The following GRID2 variants were observed in gnomAD, a reference collection of about 807,000 sequenced individuals.
The protein encoded by GRID2 is glutamate ionotropic receptor delta type subunit 2.
In GRID2, 33 loss-of-function variants were observed where a neutral mutation model predicts 114.8. The observed-to-expected ratio is 0.29, with a 90% CI of 0.22 to 0.38. The LOEUF is 0.38. Among genes scored for constraint, GRID2 ranks in the 10% least tolerant of loss-of-function variants. The pLI, the probability that GRID2 is intolerant of heterozygous loss-of-function variation, is 1.00. For synonymous variants in GRID2, 505 were observed against 449.9 expected (o/e 1.12, Z -1.55); for missense variants, 1,184 against 1,257.7 (o/e 0.94, Z 0.89).
intron 4 of GRID2, among the ~76,000 whole-genome samples, chr4:93,154,496 G>A (rs934913758): frequency 2.0e-5 from 3 of 151,970 alleles, no homozygotes; most frequent in Non-Finnish European, 2.9e-5. Context: ...TACCACTCCC[G>A]GATAGCTTGG....
intron 8 of GRID2, among the ~76,000 whole-genome samples, chr4:93,365,823 T>C (rs1762285947): frequency 6.6e-6 from 1 of 152,174 alleles, no homozygotes; most frequent in Non-Finnish European, 1.5e-5. Context: ...GCTGAAGCCA[T>C]GGCAGAAGAA....
At chr4:92,441,031 T>G (rs965206816) in intron 1 of GRID2, among the ~76,000 whole-genome samples, 4 of 151,998 alleles carry the variant, frequency 2.6e-5, no homozygotes, top group Non-Finnish European at 5.9e-5. Flanking sequence ...CTAAAAGTAT[T>G]AAAGCAGCGG....
intron 2 of GRID2, among the ~76,000 whole-genome samples, chr4:92,961,903 A>G (rs1752843828): frequency 6.6e-6 from 1 of 151,712 alleles, no homozygotes; most frequent in Admixed American, 6.6e-5. Flanking sequence ...TAACAATTGA[A>G]ATATCCTTAA....
intron 2 of GRID2, among the ~76,000 whole-genome samples, chr4:92,796,388 A>G (rs1056267409): frequency 1.3e-5 from 2 of 151,922 alleles, no homozygotes; most frequent in Non-Finnish European, 2.9e-5. Flanking sequence ...CAGTATAGAA[A>G]AAGAATTGTC....
At chr4:93,225,622 C>T (rs766010722) in intron 7 of GRID2, among the ~76,000 whole-genome samples, 5 of 151,674 alleles carry the variant, frequency 3.3e-5, no homozygotes, top group Non-Finnish European at 5.9e-5. Flanking sequence ...AATAGCTAGT[C>T]AATTGAAATA....
At chr4:93,422,687 T>G in intron 9 of GRID2, 84 bp from the exon 10 acceptor site, 1 of 826,442 alleles carries the variant, frequency 1.2e-6, no homozygotes, top group Non-Finnish European at 2.0e-6. Flanking sequence ...TTTTTAGATT[T>G]AATCAAAACT....
At chr4:93,260,459 G>C (rs775845306) in intron 8 of GRID2, among the ~76,000 whole-genome samples, 2 of 151,260 alleles carry the variant, frequency 1.3e-5, no homozygotes, top group Non-Finnish European at 3.0e-5. Flanking sequence ...TTTGTTAGAA[G>C]TTGGACACTT....
intron 2 of GRID2, among the ~76,000 whole-genome samples, chr4:92,939,459 A>G (rs1298877444): frequency 1.4e-5 from 2 of 146,826 alleles, no homozygotes; most frequent in Non-Finnish European, 3.0e-5. Context: ...TAGATTCTGG[A>G]TATTAGCCCT....
intron 9 of GRID2, among the ~76,000 whole-genome samples, chr4:93,406,261 A>G (rs1258045310): frequency 6.6e-6 from 1 of 152,152 alleles, no homozygotes; most frequent in East Asian, 1.9e-4. Flanking sequence ...GATACCTAAA[A>G]GGTTGGAAAC....
At chr4:93,483,470 G>T (rs143614420) in intron 11 of GRID2, among the ~76,000 whole-genome samples, 133 of 151,848 alleles carry the variant, frequency 8.8e-4, no homozygotes, top group African/African-American at 2.9e-3. Context: ...ATAAGAAGTG[G>T]ATTTACCAAA....
chr4:92,579,987 T>C (rs1357366210), intron 1 of GRID2, among the ~76,000 whole-genome samples: 1 of 136,730 alleles, frequency 7.3e-6, no homozygotes, highest in East Asian at 2.1e-4. Context: ...TATGTATATG[T>C]ATTTTACATA....
chr4:92,617,368 C>T (rs1455118385), intron 2 of GRID2, among the ~76,000 whole-genome samples: 2 of 151,580 alleles, frequency 1.3e-5, no homozygotes, highest in Non-Finnish European at 3.0e-5. Context: ...AATGCTCTCC[C>T]TCCACTTGTC....
chr4:92,307,648 A>G (rs1210049282), intron 1 of GRID2, among the ~76,000 whole-genome samples: 1 of 152,208 alleles, frequency 6.6e-6, no homozygotes, highest in Non-Finnish European at 1.5e-5. Flanking sequence ...TGGTTAAACC[A>G]TAATGATTGA....
chr4:93,308,069 TCTTCCTAAATTTCACAG>T (rs1755626092), intron 8 of GRID2, among the ~76,000 whole-genome samples: 1 of 152,086 alleles, frequency 6.6e-6, no homozygotes, highest in South Asian at 2.1e-4. Flanking sequence ...AGAGGCAAAA[TCTTCCTAAATTTCACAG>T]CTTACTATCA....
At chr4:92,523,909 A>G (rs546909842) in intron 1 of GRID2, among the ~76,000 whole-genome samples, 2 of 152,166 alleles carry the variant, frequency 1.3e-5, no homozygotes, top group African/African-American at 2.4e-5. Flanking sequence ...CTCTAAGAGT[A>G]TCATGTCTCC....
At chr4:93,682,861 G>A (rs995132726) in intron 14 of GRID2, among the ~76,000 whole-genome samples, 3 of 151,380 alleles carry the variant, frequency 2.0e-5, no homozygotes, top group Admixed American at 6.6e-5. Context: ...GAGCACACCA[G>A]CATGGCACAT....
chr4:93,790,417 AAAGTTCATTTCCAG>A (rs887426533), intron 1 of GRID2, among the ~76,000 whole-genome samples: 3 of 152,200 alleles, frequency 2.0e-5, no homozygotes, highest in African/African-American at 4.8e-5. Flanking sequence ...GGACTTACAA[AAAGTTCATTTCCAG>A]AAGTTCACTT....
At chr4:92,672,211 G>C (rs1733108462) in intron 2 of GRID2, among the ~76,000 whole-genome samples, 1 of 151,956 alleles carries the variant, frequency 6.6e-6, no homozygotes, top group African/African-American at 2.4e-5. Context: ...GTCTGATCTT[G>C]TTTCACCTAT....
intron 2 of GRID2, among the ~76,000 whole-genome samples, chr4:92,940,253 T>C (rs1365245761): frequency 1.4e-5 from 2 of 147,036 alleles, no homozygotes; most frequent in Non-Finnish European, 3.0e-5. Flanking sequence ...GAGCAGTGAT[T>C]TGTAGTTTTT....
Sources: gnomAD v4.1 joint callset for allele counts (sites outside exome capture counted in the v4.1 genomes callset) on GRCh38, gnomAD v4.1.1 for gene constraint, MANE v1.5 for transcripts, NCBI Gene and HGNC (gene_info 2026-07-23, HGNC 2026-07-21) for gene names.